Variants in APTX observed in about 807,000 individuals in gnomAD.
The protein encoded by APTX is aprataxin.
Under a neutral mutation model 42.3 loss-of-function variants are expected in APTX, and 33 were observed. That is an observed-to-expected ratio of 0.78 (90% confidence interval 0.59 to 1.04). APTX has a LOEUF of 1.04. Among genes scored for constraint, APTX ranks in the 50% least tolerant of loss-of-function variants. The pLI is 0.00. For missense variants in APTX, 421 were observed against 415.1 expected (o/e 1.01, Z -0.12); for synonymous variants, 130 against 146.7 (o/e 0.89, Z 0.82).
intron 1 of APTX, among the ~76,000 whole-genome samples, chr9:32,994,720 T>G (rs1270931891): frequency 6.6e-6 from 1 of 152,238 alleles, no homozygotes. Flanking sequence ...ATCAGTGATC[T>G]TTGATCTTTG....
At position 32,987,594 on chromosome 9, in the gene APTX, C is replaced by G. The variant is rs752780878; in HGVS notation, c.433G>C (p.Gly145Arg). ...GTGLEPGSNS[G>R]QCSVPLKKGK... ...TTCTTTAGGGGCACAGAGCATTGGCCAGAGTTGCTCCCAGGTTCCAGCCCT... is the reference window on the plus strand; with the variant it reads ...TTCTTTAGGGGCACAGAGCATTGGCGAGAGTTGCTCCCAGGTTCCAGCCCT... The change falls in exon 4 of 8, where the codon GGC (glycine) becomes CGC (arginine). Residue 145 changes from glycine to arginine, a missense_variant. Physicochemically the swap from Gly to Arg is moderately radical, Grantham distance 125. Transcript: ENST00000379817. The G allele has an allele frequency of 6.2e-7, 1 of 1,614,158 alleles. No homozygotes were observed. The highest frequency in any genetic ancestry group is 8.5e-7 in the Non-Finnish European group (1 of 1,180,036).
At chr9:32,995,989 C>T (rs985789421) in intron 1 of APTX, among the ~76,000 whole-genome samples, 1 of 152,006 alleles carries the variant, frequency 6.6e-6, no homozygotes, top group Non-Finnish European at 1.5e-5. Flanking sequence ...ACCCCCCCTA[C>T]ATCAGCAAAA....
chr9:33,017,928 G>GCCCCCCCC (rs59841021), intron 1 of APTX, among the ~76,000 whole-genome samples: 13 of 70,814 alleles, frequency 1.8e-4, no homozygotes, highest in Admixed American at 4.8e-4. Context: ...AGCAACCAGC[G>GCCCCCCCC]CCCCCCCCCC....
chr9:33,005,686 C>T (rs1235729526), upstream of APTX, among the ~76,000 whole-genome samples: 1 of 152,152 alleles, frequency 6.6e-6, no homozygotes, highest in African/African-American at 2.4e-5. Flanking sequence ...CCTCCTGCCT[C>T]AGCCTCCCAA....
intron 1 of APTX, chr9:32,990,229 G>A: frequency 4.4e-6 from 1 of 229,272 alleles, no homozygotes; most frequent in Non-Finnish European, 8.7e-6. Context: ...CTGGCACGCA[G>A]TGGCACAATC....
intron 1 of APTX, among the ~76,000 whole-genome samples, chr9:33,006,999 C>CAAAAAAAAA (rs55924566): frequency 3.6e-4 from 18 of 49,452 alleles, no homozygotes; most frequent in Non-Finnish European, 4.5e-4. Context: ...GACTCTGTCT[C>CAAAAAAAAA]AAAAAAAAAA....
intron 6 of APTX, among the ~76,000 whole-genome samples, chr9:32,982,495 T>A (rs778335285): frequency 3.1e-4 from 47 of 152,354 alleles, no homozygotes; most frequent in Non-Finnish European, 5.7e-4. Context: ...TAATTTTTTA[T>A]ATTTTCTTAA....
At chr9:32,984,965 G>GT (rs1831582847) in intron 5 of APTX, 108 bp from the exon 6 acceptor site, 1 of 1,046,934 alleles carries the variant, frequency 9.6e-7, no homozygotes, top group Non-Finnish European at 1.4e-6. Context: ...TGTGCAAATG[G>GT]TTTTAATAGC....
chr9:33,022,789 G>A (rs1035955118), intron 1 of APTX, among the ~76,000 whole-genome samples: 1 of 152,098 alleles, frequency 6.6e-6, no homozygotes, highest in Admixed American at 6.5e-5. Context: ...CAAAGTTATT[G>A]CCAGTTTTTT....
At chr9:33,024,312 A>T (rs1230919409) in intron 1 of APTX, among the ~76,000 whole-genome samples, 1 of 152,154 alleles carries the variant, frequency 6.6e-6, no homozygotes, top group South Asian at 2.1e-4. Flanking sequence ...CGAGCGTGGC[A>T]AACTCCATCT....
chr9:33,022,679 T>A (rs1254263424), intron 1 of APTX, among the ~76,000 whole-genome samples: 4 of 152,134 alleles, frequency 2.6e-5, no homozygotes, highest in African/African-American at 7.2e-5. Context: ...ACAAGGCAGA[T>A]TAGTTATTTA....
rs138736076 is a variant in APTX at position 33,011,745 on chromosome 9, A to C, written c.-5+13278T>G. Among the ~76,000 whole-genome samples the C allele has an allele frequency of 1.1e-3, 168 of 152,310 alleles. 1 individual carries two copies. The highest frequency in any genetic ancestry group is 3.9e-3 in the African/African-American group (162 of 41,574). ...CACGCAGTGGGGTCCATGTTGAGTCAACAAGCCAGACACAGCCCTTCCCCT... is the reference window on the plus strand; with the variant it reads ...CACGCAGTGGGGTCCATGTTGAGTCCACAAGCCAGACACAGCCCTTCCCCT... On this transcript the variant is annotated intron_variant, in intron 1 of 6. Transcript: ENST00000436040.
chr9:33,009,247 A>C (rs1837365211), intron 1 of APTX, among the ~76,000 whole-genome samples: 1 of 152,028 alleles, frequency 6.6e-6, no homozygotes, highest in Non-Finnish European at 1.5e-5. Context: ...ATAGTGGTCT[A>C]TCCTGAAATT....
chr9:33,000,994 T>C (rs2119131101), intron 1 of APTX, among the ~76,000 whole-genome samples: 1 of 152,002 alleles, frequency 6.6e-6, no homozygotes, highest in African/African-American at 2.4e-5. Flanking sequence ...ATTACAGGCA[T>C]GCGCCACCAC....
intron 1 of APTX, among the ~76,000 whole-genome samples, chr9:33,019,355 TAA>T (rs1293981122): frequency 1.3e-5 from 2 of 152,030 alleles, no homozygotes; most frequent in African/African-American, 2.4e-5. Context: ...AATAAATAAA[TAA>T]AAGTCTGGCC....
intron 1 of APTX, among the ~76,000 whole-genome samples, chr9:32,993,714 T>C (rs935628049): frequency 6.7e-6 from 1 of 150,060 alleles, no homozygotes; most frequent in East Asian, 2.0e-4. Context: ...TTTTCACCTC[T>C]ATATCTTTTT....
intron 6 of APTX, among the ~76,000 whole-genome samples, chr9:32,982,361 A>G (rs1830873420): frequency 6.6e-6 from 1 of 152,224 alleles, no homozygotes; most frequent in Admixed American, 6.5e-5. Flanking sequence ...TAGAAAAAGA[A>G]CAATACAGGA....
At chr9:33,009,748 C>A (rs1837406175) in intron 1 of APTX, among the ~76,000 whole-genome samples, 1 of 151,996 alleles carries the variant, frequency 6.6e-6, no homozygotes, top group African/African-American at 2.4e-5. Flanking sequence ...CACTGCACTC[C>A]AGCCCTCCAG....
intron 1 of APTX, among the ~76,000 whole-genome samples, chr9:33,015,037 A>G (rs1837795184): frequency 6.6e-6 from 1 of 152,152 alleles, no homozygotes. Context: ...ATCAAATGTG[A>G]AGGTCATTCT....
Sources: gnomAD v4.1 joint callset for allele counts (sites outside exome capture counted in the v4.1 genomes callset) on GRCh38, gnomAD v4.1.1 for gene constraint, MANE v1.5 for transcripts, NCBI Gene and HGNC (gene_info 2026-07-23, HGNC 2026-07-21) for gene names.